Variants in TET1 observed in about 807,000 individuals in gnomAD.
TET1 encodes the protein methylcytosine dioxygenase TET1.
In TET1, 13 loss-of-function variants were observed where a neutral mutation model predicts 148.7. The observed-to-expected ratio is 0.09, with a 90% CI of 0.06 to 0.14. The LOEUF (loss-of-function observed/expected upper bound fraction) is 0.14, where lower values mean the gene tolerates loss of function less well. Among genes scored for constraint, TET1 ranks in the 10% least tolerant of loss-of-function variants. The probability of loss-of-function intolerance (pLI) is 1.00; values close to 1 mark genes in which losing one functional copy is unlikely to be tolerated. For missense variants in TET1, 2,182 were observed against 2,553.8 expected, an observed-to-expected ratio of 0.85 and a Z score of 3.14; for synonymous variants, 907 against 937.2, an observed-to-expected ratio of 0.97 and a Z score of 0.59.
intron 3 of TET1, among the ~76,000 whole-genome samples, chr10:68,626,076 C>A (rs75399063): frequency 0.014 from 1,654 of 114,532 alleles, 41 homozygotes; most frequent in African/African-American, 0.052. Context: ...AGAGTAAGAA[C>A]GAGACCCTAT....
At chr10:68,690,751 G>A in intron 11 of TET1, 57 bp from the exon 12 acceptor site, 1 of 1,499,680 alleles carries the variant, frequency 6.7e-7, no homozygotes, top group Admixed American at 2.3e-5. Context: ...CTTTTTAAAA[G>A]GCAACCCCTA....
intron 2 of TET1, 121 bp from the exon 3 acceptor site, chr10:68,600,860 C>A: frequency 1.3e-6 from 1 of 768,816 alleles, no homozygotes; most frequent in Non-Finnish European, 2.2e-6. Context: ...GCCTAGCAAA[C>A]ATGTTGATGA....
chr10:68,631,320 C>T (rs1339627293), intron 3 of TET1, among the ~76,000 whole-genome samples: 2 of 151,804 alleles, frequency 1.3e-5, no homozygotes, highest in Non-Finnish European at 2.9e-5. Flanking sequence ...TCGAAGAGTG[C>T]ATGTTAGACA....
Position 68,645,417 on chromosome 10 carries a change from C to G in TET1, c.2688C>G (p.Ala896=), listed in dbSNP as rs754987410. 12 of 1,613,770 alleles carry G rather than the reference C, an allele frequency of 7.4e-6. No individual in the cohort carries two copies. Among genetic ancestry groups the G allele is most frequent in the Non-Finnish European group, 1.0e-5 (12 of 1,180,004 alleles). The change falls in exon 4 of 12, where the codon GCC becomes GCG. Residue 896 remains alanine, a synonymous_variant. Coordinates refer to ENST00000373644, the MANE Select transcript of TET1 (RefSeq NM_030625.3). ...TGGAGCAAGTGGTAGCCATAGAGGCCCTGACTCAACTCTCAGAAGCCCCAT... is the reference window on the plus strand; with the variant it reads ...TGGAGCAAGTGGTAGCCATAGAGGCGCTGACTCAACTCTCAGAAGCCCCAT... ...LTLEQVVAIE[A]LTQLSEAPSE... is the part of the protein sequence containing the mutation.
chr10:68,626,110 G>GAAAAA, intron 3 of TET1, among the ~76,000 whole-genome samples: 1 of 102,338 alleles, frequency 9.8e-6, no homozygotes, highest in Non-Finnish European at 2.0e-5. Context: ...AAAAAAAAAA[G>GAAAAA]AAAAGAAAAA....
At chr10:68,680,089 AG>A (rs1301602823) in intron 8 of TET1, among the ~76,000 whole-genome samples, 1 of 152,242 alleles carries the variant, frequency 6.6e-6, no homozygotes, top group Non-Finnish European at 1.5e-5. Context: ...ATAAATCAAT[AG>A]GAAACCAAAA....
At chr10:68,575,479 G>A (rs1378915720) in intron 2 of TET1, among the ~76,000 whole-genome samples, 3 of 152,078 alleles carry the variant, frequency 2.0e-5, no homozygotes, top group African/African-American at 4.8e-5. Context: ...GGGAGGCCAA[G>A]GTGGCGGATC....
intron 3 of TET1, among the ~76,000 whole-genome samples, chr10:68,627,087 C>T (rs569610313): frequency 2.6e-5 from 4 of 152,070 alleles, no homozygotes; most frequent in African/African-American, 9.6e-5. Context: ...GCCTGGCCAA[C>T]ATTGTGAAAC....
At chr10:68,652,128 A>T (rs889917391) in intron 5 of TET1, among the ~76,000 whole-genome samples, 192 bp downstream of exon 5, 1 of 152,208 alleles carries the variant, frequency 6.6e-6, no homozygotes, top group African/African-American at 2.4e-5. Context: ...GCTGTTGGGC[A>T]CATAAAAGCA....
chr10:68,600,651 T>C (rs1041104745), intron 2 of TET1, among the ~76,000 whole-genome samples: 5 of 152,192 alleles, frequency 3.3e-5, no homozygotes, highest in African/African-American at 1.2e-4. Context: ...AAAAAGCAGT[T>C]TGCAGAACTG....
chr10:68,610,867 G>A (rs2054199129), intron 3 of TET1, among the ~76,000 whole-genome samples: 2 of 152,134 alleles, frequency 1.3e-5, no homozygotes, highest in Admixed American at 1.3e-4. Context: ...TGTTACCCAG[G>A]CTGGTCTCAA....
intron 1 of TET1, among the ~76,000 whole-genome samples, chr10:68,567,256 A>T (rs905146822): frequency 5.9e-5 from 9 of 152,196 alleles, no homozygotes; most frequent in Non-Finnish European, 1.0e-4. Context: ...TCTCTGAAGG[A>T]CACAGAGCTG....
At chr10:68,636,884 AG>A (rs1363433030) in intron 3 of TET1, among the ~76,000 whole-genome samples, 2 of 152,130 alleles carry the variant, frequency 1.3e-5, no homozygotes, top group African/African-American at 4.8e-5. Flanking sequence ...TGATGGCTGT[AG>A]TCAGTAGGGA....
intron 2 of TET1, among the ~76,000 whole-genome samples, chr10:68,583,018 C>T (rs10998304): frequency 0.49 from 74,788 of 151,960 alleles, 19,019 homozygotes; most frequent in East Asian, 0.56. Context: ...TTTGTCACAG[C>T]AGTTCAAATC....
chr10:68,647,056 A>G lies in TET1; in HGVS notation c.4276+51A>G, dbSNP rs565263535. 1.0e-5 allele frequency: 16 copies of G among 1,528,758 alleles called. No homozygotes were observed. In the African/African-American group the frequency reaches 1.7e-4, roughly 16 times the overall value. The allele number at this position is 1,528,758 out of a possible 1,614,324, so 94.7% of individuals were successfully genotyped here. A position where few individuals can be genotyped will look rare whatever the true frequency, so the allele number is the denominator to read the frequency against. ...TATTTCACCTGCACAAATTACCTCA[A>G]TCATGACTGAAGCAAATTCTGATTC... On this transcript the variant is annotated intron_variant, in intron 4 of 11. Transcript: ENST00000373644.
intron 1 of TET1, among the ~76,000 whole-genome samples, chr10:68,565,439 C>G (rs558110994): frequency 1.7e-4 from 25 of 142,938 alleles, no homozygotes; most frequent in Non-Finnish European, 3.5e-4. Context: ...CTTGATATAC[C>G]TGAGCGACAG....
chr10:68,637,182 AG>A (rs2054665615), intron 3 of TET1, among the ~76,000 whole-genome samples: 1 of 152,034 alleles, frequency 6.6e-6, no homozygotes, highest in Non-Finnish European at 1.5e-5. Flanking sequence ...TGTTTTTAGT[AG>A]AGATGGGTTT....
chr10:68,666,926 A>G (rs2055202653), intron 6 of TET1, 119 bp from the exon 7 acceptor site: 2 of 944,260 alleles, frequency 2.1e-6, no homozygotes, highest in Non-Finnish European at 3.1e-6. Context: ...TGTAGAACAG[A>G]TTTTATAAAT....
chr10:68,625,089 G>T (rs2054458636), intron 3 of TET1, among the ~76,000 whole-genome samples: 1 of 152,048 alleles, frequency 6.6e-6, no homozygotes, highest in African/African-American at 2.4e-5. Context: ...TTCCCTTTTA[G>T]TAGCCTGTAG....
Sources: gnomAD v4.1 joint callset for allele counts (sites outside exome capture counted in the v4.1 genomes callset) on GRCh38, gnomAD v4.1.1 for gene constraint, MANE v1.5 for transcripts, NCBI Gene and HGNC (gene_info 2026-07-23, HGNC 2026-07-21) for gene names.